Variants in RBFOX1 observed in about 807,000 individuals in gnomAD.
The protein encoded by RBFOX1 is RNA binding protein fox-1 homolog 1.
A neutral mutation model predicts 57.7 loss-of-function variants in RBFOX1; 8 were observed. That is an observed-to-expected ratio of 0.14 (90% CI 0.08 to 0.25). The LOEUF (loss-of-function observed/expected upper bound fraction) is 0.25. Ranked by LOEUF, RBFOX1 falls within the 10% of genes least tolerant of loss-of-function variation. The pLI, the probability that RBFOX1 is intolerant of heterozygous loss-of-function variation, is 1.00. For synonymous variants in RBFOX1, 326 were observed against 222.4 expected, an observed-to-expected ratio of 1.47 and a Z score of -4.15; for missense variants, 611 against 548.5, an observed-to-expected ratio of 1.11 and a Z score of -1.14.
intron 3 of RBFOX1, among the ~76,000 whole-genome samples, chr16:6,992,142 C>G (rs913231141): frequency 3.4e-4 from 51 of 151,564 alleles, no homozygotes; most frequent in African/African-American, 1.2e-3. Flanking sequence ...GTGTAGGAAG[C>G]AGAACCAAGC....
intron 1 of RBFOX1, among the ~76,000 whole-genome samples, chr16:5,432,387 C>T (rs937996602): frequency 3.9e-5 from 6 of 152,166 alleles, no homozygotes; most frequent in East Asian, 1.9e-4. Flanking sequence ...TCCGTGCCTC[C>T]GCCGGCCCCT....
intron 1 of RBFOX1, among the ~76,000 whole-genome samples, chr16:6,154,108 G>T (rs1468671727): frequency 6.6e-6 from 1 of 152,186 alleles, no homozygotes; most frequent in Admixed American, 6.5e-5. Flanking sequence ...TTTGAAATCA[G>T]ATGTTCCTGC....
chr16:6,764,475 C>G (rs957284690), intron 3 of RBFOX1, among the ~76,000 whole-genome samples: 1 of 152,196 alleles, frequency 6.6e-6, no homozygotes, highest in African/African-American at 2.4e-5. Context: ...CTCCACCTGT[C>G]TCTGTCCATT....
intron 3 of RBFOX1, among the ~76,000 whole-genome samples, chr16:6,914,674 G>T (rs568726237): frequency 1.1e-3 from 171 of 152,260 alleles, no homozygotes; most frequent in African/African-American, 3.9e-3. Context: ...ACGAGTTCAA[G>T]ATCAGCCTGG....
At chr16:5,635,018 G>T (rs1349371017) in intron 3 of RBFOX1, among the ~76,000 whole-genome samples, 2 of 152,144 alleles carry the variant, frequency 1.3e-5, no homozygotes, top group Non-Finnish European at 2.9e-5. Flanking sequence ...TGTGATCAGG[G>T]TCAGGCAGTC....
chr16:7,205,188 C>G (rs189353313), intron 4 of RBFOX1, among the ~76,000 whole-genome samples: 1 of 151,978 alleles, frequency 6.6e-6, no homozygotes, highest in Non-Finnish European at 1.5e-5. Flanking sequence ...GAGGCTTGCT[C>G]GATGAATATT....
chr16:6,070,323 T>G (rs1469485957), intron 1 of RBFOX1, among the ~76,000 whole-genome samples: 1 of 152,228 alleles, frequency 6.6e-6, no homozygotes, highest in Non-Finnish European at 1.5e-5. Flanking sequence ...GGGTTGTTAT[T>G]AGCTCTTAGC....
At chr16:5,436,124 T>C (rs919596285) in intron 1 of RBFOX1, among the ~76,000 whole-genome samples, 3 of 152,170 alleles carry the variant, frequency 2.0e-5, no homozygotes, top group African/African-American at 7.2e-5. Flanking sequence ...CCTAGAGTCA[T>C]TATGGCACAA....
intron 3 of RBFOX1, among the ~76,000 whole-genome samples, chr16:5,748,533 A>G (rs1597087713): frequency 6.6e-6 from 1 of 152,114 alleles, no homozygotes; most frequent in South Asian, 2.1e-4. Context: ...GTCTCTAAGG[A>G]CTTTCTTTAT....
At chr16:7,557,036 A>G (rs1235349786) in intron 5 of RBFOX1, among the ~76,000 whole-genome samples, 1 of 152,162 alleles carries the variant, frequency 6.6e-6, no homozygotes, top group African/African-American at 2.4e-5. Flanking sequence ...TTGAACAGTT[A>G]TTTGGAGTCA....
At chr16:6,833,490 C>T (rs1413898832) in intron 3 of RBFOX1, among the ~76,000 whole-genome samples, 1 of 152,126 alleles carries the variant, frequency 6.6e-6, no homozygotes, top group African/African-American at 2.4e-5. Flanking sequence ...TAGCTCCCAC[C>T]TTCTCAGGGA....
chr16:6,770,860 C>T (rs895506071), intron 3 of RBFOX1, among the ~76,000 whole-genome samples: 111 of 152,144 alleles, frequency 7.3e-4, no homozygotes, highest in African/African-American at 2.5e-3. Flanking sequence ...CTGAAGTCTC[C>T]CATGGATAAT....
At chr16:6,912,555 C>G (rs143177430) in intron 3 of RBFOX1, among the ~76,000 whole-genome samples, 210 of 152,044 alleles carry the variant, frequency 1.4e-3, no homozygotes, top group African/African-American at 4.8e-3. Flanking sequence ...AAATTCTTTT[C>G]TCTTTGTTTC....
intron 4 of RBFOX1, among the ~76,000 whole-genome samples, chr16:7,127,639 A>G (rs1422260157): frequency 6.6e-6 from 1 of 152,110 alleles, no homozygotes; most frequent in East Asian, 1.9e-4. Context: ...AAGGGAGATG[A>G]CAATTGTGTG....
intron 14 of RBFOX1, among the ~76,000 whole-genome samples, chr16:7,691,125 A>T (rs183097389): frequency 4.6e-5 from 7 of 152,240 alleles, no homozygotes; most frequent in Admixed American, 1.3e-4. Flanking sequence ...TTAAAAAATA[A>T]AATAGTACAG....
intron 4 of RBFOX1, among the ~76,000 whole-genome samples, chr16:5,890,350 C>T (rs1361876779): frequency 2.0e-5 from 3 of 152,184 alleles, no homozygotes; most frequent in Non-Finnish European, 2.9e-5. Context: ...GATAATTTCA[C>T]AGCTGAGTAA....
intron 10 of RBFOX1, among the ~76,000 whole-genome samples, chr16:7,617,992 T>G (rs1413082597): frequency 8.6e-6 from 1 of 115,700 alleles, no homozygotes; most frequent in Non-Finnish European, 2.0e-5. Flanking sequence ...ATCTTTAGAA[T>G]CCATTGAGAA....
intron 3 of RBFOX1, among the ~76,000 whole-genome samples, chr16:6,999,206 A>ATT (rs1220412235): frequency 4.2e-5 from 3 of 72,120 alleles, no homozygotes; most frequent in African/African-American, 1.8e-4. Flanking sequence ...TTTATTTTTT[A>ATT]TTTTTATTTA....
chr16:6,551,783 C>A (rs1043998200), intron 2 of RBFOX1, among the ~76,000 whole-genome samples: 1 of 152,122 alleles, frequency 6.6e-6, no homozygotes, highest in Non-Finnish European at 1.5e-5. Context: ...CTTTTCCAAC[C>A]GGGACGTCAG....
Sources: allele counts gnomAD v4.1 joint callset (sites outside exome capture counted in the v4.1 genomes callset), GRCh38; gene constraint gnomAD v4.1.1; transcripts MANE v1.5; gene names NCBI Gene and HGNC (gene_info 2026-07-23, HGNC 2026-07-21).